QTGAL: variants seen among roughly 807,000 people sequenced by gnomAD.
QTGAL encodes queuosine-tRNA galactosyltransferase.
At chr17:82,943,317 A>C in the QTGAL span, 1 of 152,214 alleles carries the variant, frequency 6.6e-6, no homozygotes, top group Non-Finnish European at 1.5e-5. Context: ...AACGTGTATA[A>C]AAATTTCACT....
the QTGAL span, chr17:83,005,134 G>A: frequency 8.7e-6 from 14 of 1,608,610 alleles, no homozygotes; most frequent in African/African-American, 2.7e-5. The surrounding 1 kb of genome is among the most constrained non-coding windows in gnomAD (Gnocchi z 5.6). Flanking sequence ...GAGCTGCTCC[G>A]GCGTCAGCTG....
chr17:82,965,605 G>A, the QTGAL span: 6 of 1,511,486 alleles, frequency 4.0e-6, no homozygotes, highest in Non-Finnish European at 5.4e-6. Context: ...CAGAGACAGG[G>A]CCCCGAACCT....
At chr17:82,987,529 G>A in the QTGAL span, among the ~76,000 whole-genome samples, 1 of 152,192 alleles carries the variant, frequency 6.6e-6, no homozygotes, top group Non-Finnish European at 1.5e-5. Context: ...GAAATATTCT[G>A]TTGGACAACC....
the QTGAL span, among the ~76,000 whole-genome samples, chr17:83,047,055 G>A: frequency 6.6e-6 from 1 of 152,354 alleles, no homozygotes; most frequent in South Asian, 2.1e-4. Flanking sequence ...GGTTGCCAGG[G>A]TTGGAAGAGC....
the QTGAL span, among the ~76,000 whole-genome samples, chr17:82,970,557 C>CTGCGACCTCCGCACCCAGCGTGGA: frequency 1.1e-5 from 1 of 90,126 alleles, no homozygotes; most frequent in Admixed American, 1.2e-4. Flanking sequence ...CCCGGCGTGG[C>CTGCGACCTCCGCACCCAGCGTGGA]CGCGACCTCC....
chr17:83,031,868 G>A, the QTGAL span, among the ~76,000 whole-genome samples: 4 of 152,358 alleles, frequency 2.6e-5, no homozygotes, highest in South Asian at 2.1e-4. Flanking sequence ...TTCAGGTGAC[G>A]TTCACACTGG....
At chr17:82,979,633 C>T in the QTGAL span, among the ~76,000 whole-genome samples, 1 of 151,864 alleles carries the variant, frequency 6.6e-6, no homozygotes, top group Non-Finnish European at 1.5e-5. Flanking sequence ...CAGTGGAGGA[C>T]GGGACAAATA....
the QTGAL span, among the ~76,000 whole-genome samples, chr17:83,013,962 G>A: frequency 1.3e-5 from 2 of 152,128 alleles, no homozygotes; most frequent in East Asian, 3.9e-4. Context: ...CTGCGGTGGG[G>A]GATGGAGGAG....
the QTGAL span, among the ~76,000 whole-genome samples, chr17:82,977,499 ACTTTT>A: frequency 0.1 from 15,181 of 152,002 alleles, 941 homozygotes; most frequent in African/African-American, 0.17. Context: ...ACAAAAAAAA[ACTTTT>A]CTTTGTTTAA....
the QTGAL span, among the ~76,000 whole-genome samples, chr17:82,959,604 G>T: frequency 2.0e-5 from 3 of 151,998 alleles, no homozygotes; most frequent in East Asian, 5.8e-4. Context: ...CTCGGGGCGG[G>T]GGGACGAGCC....
the QTGAL span, among the ~76,000 whole-genome samples, chr17:83,031,565 G>A: frequency 2.6e-5 from 4 of 152,222 alleles, no homozygotes; most frequent in Non-Finnish European, 5.9e-5. Flanking sequence ...TTAGGAACCT[G>A]GCCATGGGAC....
At chr17:83,025,093 C>A in the QTGAL span, among the ~76,000 whole-genome samples, 1 of 152,088 alleles carries the variant, frequency 6.6e-6, no homozygotes, top group Non-Finnish European at 1.5e-5. Flanking sequence ...CTAATGATAA[C>A]TCAAATAAAA....
the QTGAL span, chr17:83,005,029 G>C: frequency 8.7e-7 from 1 of 1,143,460 alleles, no homozygotes; most frequent in Middle Eastern, 3.0e-4. The surrounding 1 kb of genome is among the most constrained non-coding windows in gnomAD (Gnocchi z 5.6). Context: ...CGACGACGCA[G>C]ACACAAGAGG....
chr17:82,974,598 C>A, the QTGAL span, among the ~76,000 whole-genome samples: 1 of 152,178 alleles, frequency 6.6e-6, no homozygotes, highest in Non-Finnish European at 1.5e-5. Context: ...TGAGCTCAGG[C>A]TGTAAATGAC....
At chr17:83,013,419 A>T in the QTGAL span, among the ~76,000 whole-genome samples, 1 of 69,784 alleles carries the variant, frequency 1.4e-5, no homozygotes, top group Non-Finnish European at 2.7e-5. Flanking sequence ...GCCCCCCCAA[A>T]CCCCCACACC....
the QTGAL span, among the ~76,000 whole-genome samples, chr17:83,039,755 C>T: frequency 0.21 from 31,347 of 152,202 alleles, 3,359 homozygotes; most frequent in Non-Finnish European, 0.24. Context: ...GCGAGGTGGC[C>T]GTGGAGCCGA....
the QTGAL span, among the ~76,000 whole-genome samples, chr17:83,034,232 G>A: frequency 1.3e-5 from 2 of 152,294 alleles, no homozygotes; most frequent in South Asian, 2.1e-4. Flanking sequence ...GAGCCACCGC[G>A]CCCAGCCTTT....
At chr17:83,007,800 C>T in the QTGAL span, among the ~76,000 whole-genome samples, 12 of 152,170 alleles carry the variant, frequency 7.9e-5, no homozygotes, top group African/African-American at 2.7e-4. Flanking sequence ...ACTAGAGGCC[C>T]GAGGCTGGCA....
the QTGAL span, among the ~76,000 whole-genome samples, chr17:82,993,926 G>C: frequency 0.012 from 1,850 of 151,982 alleles, 43 homozygotes; most frequent in African/African-American, 0.042. Flanking sequence ...AATGAAGAAA[G>C]TAAGAAGGAA....
Sources: allele counts gnomAD v4.1 joint callset (sites outside exome capture counted in the v4.1 genomes callset), GRCh38; gene constraint gnomAD v4.1.1; non-coding constraint Gnocchi (gnomAD v3.1); transcripts MANE v1.5; gene names NCBI Gene and HGNC (gene_info 2026-07-23, HGNC 2026-07-21).